The following WWOX variants were observed in gnomAD, a reference collection of about 807,000 sequenced individuals.
The protein encoded by WWOX is WW domain containing oxidoreductase, also known as WW domain-containing oxidoreductase.
A neutral mutation model predicts 46.2 loss-of-function variants in WWOX; 69 were observed. That is an observed-to-expected ratio of 1.49 (90% CI 1.23 to 1.82). The LOEUF (loss-of-function observed/expected upper bound fraction) is 1.82, where lower values mean the gene tolerates loss of function less well. WWOX is among the 40% of genes most tolerant of loss of function. The probability of loss-of-function intolerance (pLI) is 0.00; values close to 1 mark genes in which losing one functional copy is unlikely to be tolerated. For synonymous variants in WWOX, 359 were observed against 202.6 expected, an observed-to-expected ratio of 1.77 and a Z score of -6.56; for missense variants, 919 against 542.6, an observed-to-expected ratio of 1.69 and a Z score of -6.89.
chr16:78,384,852 T>C (rs9939390), intron 5 of WWOX, among the ~76,000 whole-genome samples: 70,496 of 152,034 alleles, frequency 0.46, 18,644 homozygotes, highest in Non-Finnish European at 0.61. Context: ...AACTAGGCTT[T>C]GTGCCAGGTG....
chr16:78,521,674 G>T (rs2043351033), intron 8 of WWOX, among the ~76,000 whole-genome samples: 1 of 152,158 alleles, frequency 6.6e-6, no homozygotes, highest in African/African-American at 2.4e-5. Context: ...TAGTTCACAG[G>T]TGTTATCAAG....
intron 8 of WWOX, among the ~76,000 whole-genome samples, chr16:78,719,066 G>T (rs1362822891): frequency 2.6e-5 from 4 of 152,146 alleles, no homozygotes; most frequent in African/African-American, 4.8e-5. Context: ...AGAGCTAAAG[G>T]GTATTGGTGA....
intron 8 of WWOX, among the ~76,000 whole-genome samples, chr16:78,649,351 C>G (rs1027325447): frequency 2.0e-5 from 3 of 152,062 alleles, no homozygotes; most frequent in South Asian, 4.2e-4. Flanking sequence ...TGGTGCAATC[C>G]TAGCTTACTG....
intron 8 of WWOX, among the ~76,000 whole-genome samples, chr16:79,044,239 A>G (rs979065716): frequency 6.6e-6 from 1 of 152,212 alleles, no homozygotes; most frequent in Non-Finnish European, 1.5e-5. Flanking sequence ...GAAAGTTACC[A>G]TCAAAATCCG....
chr16:78,146,064 G>C (rs912508031), intron 4 of WWOX: 1 of 152,182 alleles, frequency 6.6e-6, no homozygotes, highest in Admixed American at 6.5e-5. Context: ...ACTTTAAAAT[G>C]GTGTTTGCTA....
chr16:79,051,594 C>T (rs973253880), intron 8 of WWOX, among the ~76,000 whole-genome samples: 1 of 152,182 alleles, frequency 6.6e-6, no homozygotes, highest in African/African-American at 2.4e-5. Flanking sequence ...GGAGCGTCAA[C>T]ATTAGTGAAC....
intron 8 of WWOX, among the ~76,000 whole-genome samples, chr16:79,159,787 C>T (rs932650369): frequency 3.9e-5 from 6 of 152,196 alleles, no homozygotes; most frequent in Non-Finnish European, 8.8e-5. Context: ...GCGAATTCTC[C>T]TCATGCTAGG....
intron 8 of WWOX, among the ~76,000 whole-genome samples, chr16:78,659,550 A>G (rs528507984): frequency 6.6e-6 from 1 of 152,292 alleles, no homozygotes; most frequent in South Asian, 2.1e-4. Flanking sequence ...AAGAAAAAAA[A>G]ACCTTTCGAG....
rs192920533 is a variant in WWOX at position 78,432,049 on chromosome 16, T to A, written c.792-439T>A. ...TATTGTTAAATCACCATTGTCAATC[T>A]TGAAAGGAGACTTTGTTTTGATGTA... On this transcript the variant is annotated intron_variant, in intron 7 of 8. Coordinates refer to ENST00000566780, the MANE Select transcript of WWOX (RefSeq NM_016373.4). 3.3e-5 allele frequency among the ~76,000 whole-genome samples: 5 copies of A among 152,242 alleles called. No individual in the cohort carries two copies. The East Asian group carries it at 9.7e-4, about 29-fold the overall frequency.
chr16:79,105,893 G>T (rs1423877492), intron 8 of WWOX: 1 of 152,100 alleles, frequency 6.6e-6, no homozygotes, highest in East Asian at 1.9e-4. Flanking sequence ...AGCTGGCCTT[G>T]AACTCCTGGA....
At chr16:78,964,409 G>C (rs1268547854) in intron 8 of WWOX, among the ~76,000 whole-genome samples, 1 of 152,232 alleles carries the variant, frequency 6.6e-6, no homozygotes. Flanking sequence ...TTAACAAAGA[G>C]ACTGGCAGCA....
intron 8 of WWOX, among the ~76,000 whole-genome samples, chr16:78,473,511 C>T (rs970504519): frequency 1.3e-5 from 2 of 152,116 alleles, no homozygotes; most frequent in African/African-American, 4.8e-5. Flanking sequence ...CAATATTGAC[C>T]GACTGGCCCT....
At chr16:78,599,629 C>T (rs1408226489) in intron 8 of WWOX, among the ~76,000 whole-genome samples, 1 of 152,200 alleles carries the variant, frequency 6.6e-6, no homozygotes, top group African/African-American at 2.4e-5. Context: ...CCCAGGCCTG[C>T]CAATCAACAT....
chr16:78,966,817 C>G (rs766865004), intron 8 of WWOX, among the ~76,000 whole-genome samples: 6 of 152,108 alleles, frequency 3.9e-5, no homozygotes, highest in African/African-American at 9.7e-5. Flanking sequence ...GCAGAATTAC[C>G]TACTGCTTTG....
chr16:78,114,971 G>A lies in WWOX; in HGVS notation c.231-5G>A. 5 of 1,614,018 alleles carry A rather than the reference G, an allele frequency of 3.1e-6. No individual in the cohort carries two copies. The highest frequency in any genetic ancestry group is 4.2e-6 in the Non-Finnish European group (5 of 1,180,000). ...TGTGGGTTCACTGCTTTCTCTTTTGGGCAGCCATATAAATAAAAGAACCAC... is the reference window on the plus strand; with the variant it reads ...TGTGGGTTCACTGCTTTCTCTTTTGAGCAGCCATATAAATAAAAGAACCAC... On this transcript the variant is annotated splice_polypyrimidine_tract_variant and splice_region_variant and intron_variant, in intron 3 of 8. Transcript: ENST00000566780.
intron 8 of WWOX, among the ~76,000 whole-genome samples, chr16:78,510,010 C>T (rs2085320716): frequency 6.6e-6 from 1 of 151,934 alleles, no homozygotes. Context: ...TGCAGCGAGC[C>T]ATGATTGTGC....
intron 8 of WWOX, among the ~76,000 whole-genome samples, chr16:78,971,444 G>C (rs1331810172): frequency 1.5e-5 from 1 of 68,754 alleles, no homozygotes; most frequent in Non-Finnish European, 2.7e-5. Flanking sequence ...GACAGACTCT[G>C]TGTCAAAAAA....
chr16:78,745,826 T>A (rs1475448671), intron 8 of WWOX, among the ~76,000 whole-genome samples: 2 of 151,878 alleles, frequency 1.3e-5, no homozygotes, highest in Admixed American at 6.6e-5. Flanking sequence ...AGGGCTAGTT[T>A]ACAGATAAAA....
intron 1 of WWOX, among the ~76,000 whole-genome samples, chr16:78,104,514 A>G (rs1333380516): frequency 1.3e-5 from 2 of 152,158 alleles, no homozygotes; most frequent in Non-Finnish European, 2.9e-5. Context: ...AAAAAAAATT[A>G]ACAGAAAACA....
Sources: gnomAD v4.1 joint callset for allele counts (sites outside exome capture counted in the v4.1 genomes callset) on GRCh38, gnomAD v4.1.1 for gene constraint, MANE v1.5 for transcripts, NCBI Gene and HGNC (gene_info 2026-07-23, HGNC 2026-07-21) for gene names.